CNTNAP2: variants seen among roughly 807,000 people sequenced by gnomAD.
The protein encoded by CNTNAP2 is contactin-associated protein-like 2.
Under a neutral mutation model 155.2 loss-of-function variants are expected in CNTNAP2, and 98 were observed. The ratio of observed to expected loss-of-function variants is 0.63; its 90% CI spans 0.54 to 0.75. The LOEUF is 0.75. Ranked by LOEUF, CNTNAP2 falls within the 30% of genes least tolerant of loss-of-function variation. The pLI is 0.00. For synonymous variants in CNTNAP2, 651 were observed against 631.2 expected (o/e 1.03, Z -0.47); for missense variants, 1,727 against 1,688.1 (o/e 1.02, Z -0.40).
intron 1 of CNTNAP2, among the ~76,000 whole-genome samples, chr7:146,684,634 C>A: frequency 1.8e-4 from 2 of 11,290 alleles, no homozygotes; most frequent in Admixed American, 3.9e-4. Flanking sequence ...ATAATAGATC[C>A]AGCGCAAAAA....
chr7:147,903,384 T>A (rs922967851), intron 13 of CNTNAP2, among the ~76,000 whole-genome samples, 181 bp from the exon 14 acceptor site: 2 of 152,208 alleles, frequency 1.3e-5, no homozygotes, highest in African/African-American at 4.8e-5. Context: ...CTTTGTCAGA[T>A]AGATAGACTG....
intron 1 of CNTNAP2, among the ~76,000 whole-genome samples, chr7:146,670,383 G>A (rs772572309): frequency 5.3e-5 from 8 of 151,914 alleles, no homozygotes; most frequent in Non-Finnish European, 7.4e-5. Context: ...CTTTTTTTCT[G>A]TTTATGAAGA....
chr7:148,400,472 C>G (rs969243030), intron 22 of CNTNAP2, among the ~76,000 whole-genome samples: 1 of 152,138 alleles, frequency 6.6e-6, no homozygotes, highest in Admixed American at 6.5e-5. Context: ...AACGAAGAGC[C>G]GTACGGCACT....
At chr7:146,710,867 A>G (rs2533094) in intron 1 of CNTNAP2, among the ~76,000 whole-genome samples, 5,350 of 152,068 alleles carry the variant, frequency 0.035, 114 homozygotes, top group Middle Eastern at 0.055. Flanking sequence ...TCACTCATAT[A>G]TATCCGGTCT....
In CNTNAP2 at chr7:147,903,667, G is replaced by C; in HGVS notation, c.2201G>C (p.Arg734Pro). The change falls in exon 14 of 24, where the codon CGC (arginine) becomes CCC (proline). Residue 734 changes from arginine (R) to proline (P), a missense_variant. By Grantham distance (103) the Arg-to-Pro change is moderately radical (BLOSUM62 -2). Coordinates refer to ENST00000361727, the MANE Select transcript of CNTNAP2 (RefSeq NM_014141.6). Reference sequence around the variant, plus strand: ...CAGAAATGTGCCTGCGGCATCGAACGCAACTGCACAGATCCCAAGTACTAC... The same window carrying C: ...CAGAAATGTGCCTGCGGCATCGAACCCAACTGCACAGATCCCAAGTACTAC... ...GIQKCACGIERNCTDPKYYCN... is the reference protein window; with the variant it reads ...GIQKCACGIEPNCTDPKYYCN... The C allele has an allele frequency of 6.2e-7, 1 of 1,613,974 alleles. No individual in the cohort carries two copies. Among genetic ancestry groups the C allele is most frequent in the Non-Finnish European group, 8.5e-7 (1 of 1,179,964 alleles).
chr7:146,618,311 A>G (rs933513662), intron 1 of CNTNAP2, among the ~76,000 whole-genome samples: 5 of 152,204 alleles, frequency 3.3e-5, no homozygotes, highest in African/African-American at 1.2e-4. Flanking sequence ...TTACATAAGC[A>G]TGTTATTTAT....
Position 147,352,043 on chromosome 7 carries a change from A to T in CNTNAP2, c.1499-43566A>T, listed in dbSNP as rs944628581. On this transcript the variant is annotated intron_variant, in intron 9 of 23. Coordinates refer to ENST00000361727, the MANE Select transcript of CNTNAP2 (RefSeq NM_014141.6). ...TTTGCTTTAATTAGCTGATAAAACA[A>T]ATGAATAAATAGCATCAGCTAAGGT... 2.6e-5 allele frequency among the ~76,000 whole-genome samples: 4 copies of T among 151,986 alleles called. No homozygotes were observed. In the East Asian group the frequency reaches 7.7e-4, roughly 29 times the overall value.
At chr7:148,254,009 G>GA (rs964686033) in intron 20 of CNTNAP2, among the ~76,000 whole-genome samples, 6 of 151,044 alleles carry the variant, frequency 4.0e-5, no homozygotes, top group Admixed American at 1.3e-4. Flanking sequence ...GCATTTGGTT[G>GA]AAAAAAAAAT....
chr7:146,514,591 A>T (rs1049830044), intron 1 of CNTNAP2, among the ~76,000 whole-genome samples: 1 of 151,078 alleles, frequency 6.6e-6, no homozygotes, highest in African/African-American at 2.4e-5. Context: ...ACTTTAATCT[A>T]TTTGTTGAAT....
intron 1 of CNTNAP2, among the ~76,000 whole-genome samples, chr7:146,582,142 A>G (rs2129147974): frequency 6.6e-6 from 1 of 152,328 alleles, no homozygotes; most frequent in Admixed American, 6.5e-5. Context: ...TCAATCTACC[A>G]TCACAGAAAA....
At chr7:147,765,113 C>G (rs1797364152) in intron 13 of CNTNAP2, among the ~76,000 whole-genome samples, 1 of 152,140 alleles carries the variant, frequency 6.6e-6, no homozygotes, top group African/African-American at 2.4e-5. Flanking sequence ...TGTAGTCAGT[C>G]ATGTCAAACC....
intron 21 of CNTNAP2, among the ~76,000 whole-genome samples, chr7:148,310,537 C>G (rs1314226352): frequency 6.6e-6 from 1 of 152,126 alleles, no homozygotes; most frequent in Non-Finnish European, 1.5e-5. Flanking sequence ...AAGTCCTAAA[C>G]CGACAAGCAA....
chr7:147,390,274 A>C (rs1309057617), intron 9 of CNTNAP2, among the ~76,000 whole-genome samples: 1 of 152,102 alleles, frequency 6.6e-6, no homozygotes, highest in Non-Finnish European at 1.5e-5. Flanking sequence ...ATTAAAACTG[A>C]TTTGAGATTA....
At chr7:148,390,871 TTGG>T (rs1799331013) in intron 22 of CNTNAP2, among the ~76,000 whole-genome samples, 1 of 152,226 alleles carries the variant, frequency 6.6e-6, no homozygotes, top group South Asian at 2.1e-4. Context: ...GACATTTATG[TTGG>T]TCAGGTTGTG....
chr7:147,056,430 C>T (rs1799562434), intron 4 of CNTNAP2, among the ~76,000 whole-genome samples: 1 of 152,082 alleles, frequency 6.6e-6, no homozygotes, highest in Non-Finnish European at 1.5e-5. Context: ...ATAATTATTT[C>T]CCCCAAATCC....
chr7:146,783,181 T>C (rs1220395231), intron 2 of CNTNAP2, among the ~76,000 whole-genome samples: 1 of 152,174 alleles, frequency 6.6e-6, no homozygotes, highest in Non-Finnish European at 1.5e-5. Flanking sequence ...TTGAATTTGA[T>C]CTCTTAGAAT....
At chr7:147,182,078 A>C (rs1162322607) in intron 8 of CNTNAP2, among the ~76,000 whole-genome samples, 1 of 146,294 alleles carries the variant, frequency 6.8e-6, no homozygotes, top group Non-Finnish European at 1.5e-5. Flanking sequence ...GTGGCCTGAG[A>C]TCGTGCCACT....
intron 1 of CNTNAP2, among the ~76,000 whole-genome samples, chr7:146,168,425 C>T (rs144311957): frequency 6.6e-6 from 1 of 152,184 alleles, no homozygotes; most frequent in East Asian, 1.9e-4. Flanking sequence ...CTCATACATT[C>T]CCTATCCTAC....
At chr7:146,609,961 G>A (rs1799107483) in intron 1 of CNTNAP2, among the ~76,000 whole-genome samples, 1 of 152,118 alleles carries the variant, frequency 6.6e-6, no homozygotes, top group Non-Finnish European at 1.5e-5. Context: ...CAGACACAGC[G>A]AATCAGAAAC....
Sources: allele counts gnomAD v4.1 joint callset (sites outside exome capture counted in the v4.1 genomes callset), GRCh38; gene constraint gnomAD v4.1.1; transcripts MANE v1.5; gene names NCBI Gene and HGNC (gene_info 2026-07-23, HGNC 2026-07-21).